Variants in CDK4 observed in about 807,000 individuals in gnomAD.
CDK4 encodes cyclin-dependent kinase 4.
A neutral mutation model predicts 36.7 loss-of-function variants in CDK4; 13 were observed. The ratio of observed to expected loss-of-function variants is 0.35; its 90% CI spans 0.23 to 0.56. The LOEUF is 0.56. CDK4 is among the 20% of genes least tolerant of loss of function. CDK4 has a pLI of 0.85. For synonymous variants in CDK4, 158 were observed against 146.4 expected, an observed-to-expected ratio of 1.08 and a Z score of -0.57; for missense variants, 285 against 387.3, an observed-to-expected ratio of 0.74 and a Z score of 2.22.
chr12:57,749,433 T>A (rs2140383696), intron 6 of CDK4, 21 bp downstream of exon 6: 1 of 1,614,004 alleles, frequency 6.2e-7, no homozygotes, highest in Non-Finnish European at 8.5e-7. Flanking sequence ...AAAATCTTTT[T>A]CTCCCATGTT....
At position 57,748,466 on chromosome 12, in the gene CDK4, C is replaced by T. The variant is rs1955185291; in HGVS notation, c.*59G>A. ...CAGAGATAAAGGCAAAGATTGCCCTCTCAGTGTCCAGAAGGGAAATGGCAG... is the reference window on the plus strand; with the variant it reads ...CAGAGATAAAGGCAAAGATTGCCCTTTCAGTGTCCAGAAGGGAAATGGCAG... On this transcript the variant is annotated 3_prime_UTR_variant, in exon 8 of 8. Transcript: ENST00000257904. 8.1e-7 allele frequency: 1 copy of T among 1,236,846 alleles called. No homozygotes were observed. Among genetic ancestry groups the T allele is most frequent in the Non-Finnish European group, 1.2e-6 (1 of 837,952 alleles). The allele number at this position is 1,236,846 out of a possible 1,614,324, so 76.6% of individuals were successfully genotyped here.
At chr12:57,748,685 T>C (rs1555201040) in intron 7 of CDK4, 68 bp from the exon 8 acceptor site, 3 of 999,472 alleles carry the variant, frequency 3.0e-6, no homozygotes, top group South Asian at 1.3e-5. Flanking sequence ...CAACAATACC[T>C]GGGATGAGCT....
chr12:57,749,703 TA>T (rs1373608940), intron 5 of CDK4, 199 bp from the exon 6 acceptor site: 214 of 619,552 alleles, frequency 3.5e-4, no homozygotes, highest in Non-Finnish European at 3.9e-4. Context: ...TCTCTTTTTT[TA>T]AAAAAAAAGA....
chr12:57,748,114 C>T lies in CDK4; in HGVS notation c.*411G>A, dbSNP rs1955180479. 9.6e-6 allele frequency: 3 copies of T among 313,770 alleles called. No individual in the cohort carries two copies. The highest frequency in any genetic ancestry group is 1.8e-5 in the Non-Finnish European group (3 of 167,342). The allele number at this position is 313,770 out of a possible 1,614,324, so 19.4% of individuals were successfully genotyped here. A position where few individuals can be genotyped will look rare whatever the true frequency, so the allele number is the denominator to read the frequency against. On this transcript the variant is annotated 3_prime_UTR_variant, in exon 8 of 8. Coordinates refer to ENST00000257904, the MANE Select transcript of CDK4 (RefSeq NM_000075.4). The stretch of plus-strand genomic sequence containing the variant: ...TCAGTCAAGGGGCTCCACTGACTTC[C>T]TAGGCCCTGTAATTTAACCAGTCTT...
intron 5 of CDK4, 159 bp downstream of exon 5, chr12:57,750,497 G>A (rs1170109687): frequency 2.9e-6 from 2 of 690,354 alleles, no homozygotes; most frequent in Non-Finnish European, 5.4e-6. Context: ...AGCCCAGGAG[G>A]TTGAAGCTGC....
In CDK4 at chr12:57,749,321, T is replaced by C. The variant is rs370609910; in HGVS notation, c.684-4A>G. 4.3e-6 allele frequency: 7 copies of C among 1,614,026 alleles called. No individual in the cohort carries two copies. The highest frequency in any genetic ancestry group is 1.7e-5 in the Admixed American group (1 of 59,992). Reference sequence around the variant, plus strand: ...CTCTGGAGGCAGCCCAATCAGGCTGTGGGGGACAGGAGAACTCTGGTCAGG... The same window carrying C: ...CTCTGGAGGCAGCCCAATCAGGCTGCGGGGGACAGGAGAACTCTGGTCAGG... On this transcript the variant is annotated splice_region_variant and splice_polypyrimidine_tract_variant and intron_variant, in intron 6 of 7. Transcript: ENST00000257904.
intron 5 of CDK4, 67 bp from the exon 6 acceptor site, chr12:57,749,571 T>C (rs902429749): frequency 6.8e-7 from 1 of 1,471,046 alleles, no homozygotes; most frequent in Admixed American, 1.7e-5. Context: ...GGTTACTGCT[T>C]AGTGGCTCAA....
chr12:57,748,276 G>A lies in CDK4; in HGVS notation c.*249C>T. The A allele has an allele frequency of 2.3e-6, 1 of 428,772 alleles. No individual in the cohort carries two copies. Among genetic ancestry groups the A allele is most frequent in the Non-Finnish European group, 4.3e-6 (1 of 233,746 alleles). 26.6% of individuals were successfully genotyped at this position (428,772 alleles called of 1,614,324 possible). On this transcript the variant is annotated 3_prime_UTR_variant, in exon 8 of 8. Transcript: ENST00000257904. ...GTTTTGTTTTTCCTGTATAAAAAAGGACCCCAAATATAAAGGTAGGGAAAG... is the reference window on the plus strand; with the variant it reads ...GTTTTGTTTTTCCTGTATAAAAAAGAACCCCAAATATAAAGGTAGGGAAAG...
At chr12:57,749,158 T>C (rs2140382491) in intron 7 of CDK4, 24 bp downstream of exon 7, 1 of 1,613,974 alleles carries the variant, frequency 6.2e-7, no homozygotes, top group Non-Finnish European at 8.5e-7. Context: ...TTTCTTTCCC[T>C]GTGCCCACAG....
chr12:57,748,708 CTTTTTTTTTTT>C (rs545773931), intron 7 of CDK4, 91 bp from the exon 8 acceptor site: 2 of 693,632 alleles, frequency 2.9e-6, no homozygotes, highest in South Asian at 3.1e-5. Flanking sequence ...CTTCTTTTTT[CTTTTTTTTTTT>C]TTTTGAGACG....
chr12:57,750,628 G>A (rs201360300), intron 5 of CDK4, 28 bp downstream of exon 5: 10 of 1,449,898 alleles, frequency 6.9e-6, no homozygotes, highest in Non-Finnish European at 7.8e-6. Flanking sequence ...GGGAATTCAA[G>A]GTAGTCCAGG....
At chr12:57,748,708 CTTTTTTTTT>C in intron 7 of CDK4, 91 bp from the exon 8 acceptor site, 1 of 693,632 alleles carries the variant, frequency 1.4e-6, no homozygotes, top group Non-Finnish European at 2.5e-6. Flanking sequence ...CTTCTTTTTT[CTTTTTTTTT>C]TTTTTTGAGA....
intron 4 of CDK4, 58 bp downstream of exon 4, chr12:57,750,865 G>A (rs1227855053): frequency 5.0e-6 from 8 of 1,602,188 alleles, no homozygotes; most frequent in South Asian, 2.2e-5. Flanking sequence ...CAATTGCTAC[G>A]GGCAATCACT....
intron 5 of CDK4, chr12:57,749,823 C>T: frequency 2.5e-6 from 1 of 400,572 alleles, no homozygotes; most frequent in Middle Eastern, 7.8e-4. Context: ...ATGGTGAAAC[C>T]CTGTCATTAC....
intron 5 of CDK4, 40 bp downstream of exon 5, chr12:57,750,616 T>C: frequency 7.4e-7 from 1 of 1,347,010 alleles, no homozygotes; most frequent in Non-Finnish European, 1.1e-6. Context: ...ACAAGCGATT[T>C]GGGGAATTCA....
rs565473162 is a variant in CDK4, at chr12:57,751,372, C to A, written c.219-30G>T. The A allele has an allele frequency of 6.2e-7, 1 of 1,614,002 alleles. No homozygotes were observed. Among genetic ancestry groups the A allele is most frequent in the South Asian group, 1.1e-5 (1 of 91,078 alleles). On this transcript the variant is annotated intron_variant, in intron 2 of 7. Transcript: ENST00000257904. The surrounding 1 kb of genome is among the most constrained non-coding windows in gnomAD (Gnocchi z 4.5). ...CCAGAGTAAATGCTCACTTTTCAAT[C>A]CCCTTTAACCCAACATGGCCTCTCA... is the stretch of plus-strand genomic sequence containing the variant.
rs982854686 is a variant in CDK4, at chr12:57,748,453, C to G, written c.*72G>C. On this transcript the variant is annotated 3_prime_UTR_variant, in exon 8 of 8. Transcript: ENST00000257904. Reference sequence around the variant, plus strand: ...CCCTCCATAGCCTCAGAGATAAAGGCAAAGATTGCCCTCTCAGTGTCCAGA... The same window carrying G: ...CCCTCCATAGCCTCAGAGATAAAGGGAAAGATTGCCCTCTCAGTGTCCAGA... 16 of 1,111,410 alleles carry G rather than the reference C, an allele frequency of 1.4e-5. No homozygotes were observed. Among genetic ancestry groups the G allele is most frequent in the Non-Finnish European group, 5.5e-6 (4 of 724,442 alleles). The allele number at this position is 1,111,410 out of a possible 1,614,324, so 68.8% of individuals were successfully genotyped here.
rs537300782 is a variant in CDK4 at position 57,749,801 on chromosome 12, A to C, written c.633-297T>G. On this transcript the variant is annotated intron_variant, in intron 5 of 7. Transcript: ENST00000257904. ...ATCATGAGGTCAAGAGATCGAGACC[A>C]TCCTGGCCAACATGGTGAAACCCTG... is the stretch of plus-strand genomic sequence containing the variant. The C allele has an allele frequency of 1.9e-3, 876 of 457,350 alleles. 4 individuals are homozygous for C. The highest frequency in any genetic ancestry group is 2.4e-3 in the Non-Finnish European group (595 of 249,446). 28.3% of individuals were successfully genotyped at this position (457,350 alleles called of 1,614,324 possible).
In CDK4 at chr12:57,750,987, G is replaced by C. The variant is rs1443076952; in HGVS notation, c.458C>G (p.Thr153Arg). Residue 153 changes from threonine (T) to arginine (R), a missense_variant, in exon 4 of 8, where the codon ACA becomes AGA. Physicochemically the swap from Thr to Arg is moderately conservative, Grantham distance 71. Coordinates refer to ENST00000257904, the MANE Select transcript of CDK4 (RefSeq NM_000075.4). ...PENILVTSGG[T>R]VKLADFGLAR... ...CAGGCCAAAGTCAGCCAGCTTGACT[G>C]TTCCACCACTTGTCACCAGAATGTT... is the stretch of plus-strand genomic sequence containing the variant. 2 of 1,614,044 alleles carry C rather than the reference G, an allele frequency of 1.2e-6. No homozygotes were observed. The highest frequency in any genetic ancestry group is 1.7e-6 in the Non-Finnish European group (2 of 1,180,010).
Sources: gnomAD v4.1 joint callset for allele counts on GRCh38, gnomAD v4.1.1 for gene constraint, Gnocchi (gnomAD v3.1) non-coding constraint, MANE v1.5 for transcripts, NCBI Gene and HGNC (gene_info 2026-07-23, HGNC 2026-07-21) for gene names.